ASIC2: variants seen among roughly 807,000 people sequenced by gnomAD.
ASIC2 encodes acid sensing ion channel subunit 2, also known as acid-sensing ion channel 2.
ASIC2 carries 25 observed loss-of-function variants against 57.3 expected under a neutral mutation model. The observed-to-expected ratio is 0.44, with a 90% CI of 0.32 to 0.61. The LOEUF (loss-of-function observed/expected upper bound fraction) is 0.61. Ranked by LOEUF, ASIC2 falls within the 20% of genes least tolerant of loss-of-function variation. The pLI, the probability that ASIC2 is intolerant of heterozygous loss-of-function variation, is 0.06. For synonymous variants in ASIC2, 319 were observed against 307.5 expected (o/e 1.04, Z -0.39); for missense variants, 641 against 738.1 (o/e 0.87, Z 1.52).
chr17:33,644,104 G>A (rs1270213552), intron 1 of ASIC2, among the ~76,000 whole-genome samples: 1 of 152,158 alleles, frequency 6.6e-6, no homozygotes, highest in African/African-American at 2.4e-5. Flanking sequence ...CACCCTCTTG[G>A]TCAGGTTCTC....
At chr17:33,701,274 TG>T (rs1908689990) in intron 1 of ASIC2, among the ~76,000 whole-genome samples, 1 of 152,016 alleles carries the variant, frequency 6.6e-6, no homozygotes, top group Non-Finnish European at 1.5e-5. Flanking sequence ...CTTGCTGGAG[TG>T]GAATGGAATA....
At chr17:33,599,182 G>A (rs948803024) in intron 1 of ASIC2, among the ~76,000 whole-genome samples, 24 of 152,218 alleles carry the variant, frequency 1.6e-4, no homozygotes, top group African/African-American at 5.5e-4. Flanking sequence ...TTTTGAAAAT[G>A]TGAGTGAAAC....
intron 1 of ASIC2, among the ~76,000 whole-genome samples, chr17:33,678,626 T>C (rs1907902046): frequency 6.6e-6 from 1 of 152,094 alleles, no homozygotes; most frequent in African/African-American, 2.4e-5. Flanking sequence ...TGACTCTCCT[T>C]TGCAAAAAGA....
intron 1 of ASIC2, among the ~76,000 whole-genome samples, chr17:33,919,018 G>T (rs1915650419): frequency 6.6e-6 from 1 of 152,168 alleles, no homozygotes; most frequent in Non-Finnish European, 1.5e-5. Flanking sequence ...GAAGGATTGG[G>T]GGGTGTGCCA....
chr17:33,038,339 C>T (rs2091917341), intron 3 of ASIC2, among the ~76,000 whole-genome samples: 1 of 152,274 alleles, frequency 6.6e-6, no homozygotes, highest in South Asian at 2.1e-4. Context: ...GCCTTTTTGG[C>T]TTAAGTTATT....
At chr17:33,566,996 C>G (rs968419288) in intron 1 of ASIC2, among the ~76,000 whole-genome samples, 3 of 152,176 alleles carry the variant, frequency 2.0e-5, no homozygotes, top group African/African-American at 7.2e-5. Context: ...AACCCAGCTC[C>G]TGTAGCTCCA....
chr17:33,971,962 CTCAGCGTTCTTACAG>C (rs2141998791), intron 1 of ASIC2, among the ~76,000 whole-genome samples: 1 of 152,252 alleles, frequency 6.6e-6, no homozygotes, highest in South Asian at 2.1e-4. Context: ...AACCACCAGG[CTCAGCGTTCTTACAG>C]TTACTAAGTG....
intron 1 of ASIC2, among the ~76,000 whole-genome samples, chr17:33,438,867 T>TGAG (rs1911724804): frequency 7.7e-6 from 1 of 129,798 alleles, no homozygotes; most frequent in Non-Finnish European, 1.7e-5. Flanking sequence ...TTTTTTTTTT[T>TGAG]GAGACAGGGT....
intron 1 of ASIC2, among the ~76,000 whole-genome samples, chr17:33,918,782 T>G (rs1915644783): frequency 6.6e-6 from 1 of 152,214 alleles, no homozygotes; most frequent in Admixed American, 6.5e-5. Flanking sequence ...AAACCTGTAT[T>G]AGAAGTAAGG....
intron 1 of ASIC2, among the ~76,000 whole-genome samples, chr17:33,494,548 C>T (rs575312664): frequency 2.6e-5 from 4 of 152,206 alleles, no homozygotes; most frequent in Admixed American, 2.0e-4. Context: ...GGGATGGAGT[C>T]GCAGGAAGTG....
At chr17:33,058,482 A>C (rs1210107047) in intron 3 of ASIC2, among the ~76,000 whole-genome samples, 3 of 151,660 alleles carry the variant, frequency 2.0e-5, no homozygotes, top group Non-Finnish European at 4.4e-5. Flanking sequence ...AAAAAAAAAA[A>C]AAAAAAAAAC....
chr17:34,005,088 T>G (rs1467139701), intron 1 of ASIC2: 1 of 152,096 alleles, frequency 6.6e-6, no homozygotes, highest in Non-Finnish European at 1.5e-5. Context: ...ACAGCCCCCT[T>G]TCACATCTCC....
chr17:33,988,403 C>T (rs576874566), intron 1 of ASIC2, among the ~76,000 whole-genome samples: 1 of 152,298 alleles, frequency 6.6e-6, no homozygotes, highest in Admixed American at 6.5e-5. Context: ...CCTGCACAAG[C>T]TCTCTCTTTT....
At position 34,094,099 on chromosome 17, in the gene ASIC2, TAAAG is replaced by T. The variant is rs571066191; in HGVS notation, c.555+61875_555+61878del. ...AAAGGGCTCTTGAACAAACAAGTAA[TAAAG>T]AAACATTCTGGTGATTGCGGAGAGG... On this transcript the variant is annotated intron_variant, in intron 1 of 9. Coordinates refer to the ASIC2 transcript ENST00000359872. 7.2e-4 allele frequency among the ~76,000 whole-genome samples: 110 copies of T among 152,104 alleles called. No individual in the cohort carries two copies. The Middle Eastern group carries it at 0.024, about 33-fold the overall frequency.
intron 1 of ASIC2, among the ~76,000 whole-genome samples, chr17:33,737,825 T>C (rs1909968583): frequency 6.6e-6 from 1 of 152,178 alleles, no homozygotes; most frequent in Non-Finnish European, 1.5e-5. Context: ...CCAATTAGAC[T>C]TAAAAGTAAC....
At chr17:33,317,870 T>C (rs1906718234) in intron 1 of ASIC2, among the ~76,000 whole-genome samples, 1 of 147,184 alleles carries the variant, frequency 6.8e-6, no homozygotes, top group Non-Finnish European at 1.5e-5. Context: ...GAAATGGATT[T>C]GGACGTGTGG....
At chr17:34,130,117 T>A (rs1244951113) in intron 1 of ASIC2, among the ~76,000 whole-genome samples, 1 of 152,198 alleles carries the variant, frequency 6.6e-6, no homozygotes, top group Non-Finnish European at 1.5e-5. Context: ...TAATATTCAT[T>A]TGCACATCAT....
chr17:33,720,878 T>G lies in ASIC2; in HGVS notation c.555+435100A>C, dbSNP rs575017578. 5.3e-5 allele frequency among the ~76,000 whole-genome samples: 8 copies of G among 152,196 alleles called. No homozygotes were observed. In the South Asian group the frequency reaches 1.7e-3, roughly 32 times the overall value. ...TGCAGAAAGGGAAGGTGTTTTAGAG[T>G]CCATCAAAGTCTGATCCAGTCAGCC... is the stretch of plus-strand genomic sequence containing the variant. On this transcript the variant is annotated intron_variant, in intron 1 of 9. Coordinates refer to the ASIC2 transcript ENST00000359872.
intron 1 of ASIC2, among the ~76,000 whole-genome samples, chr17:34,121,022 G>C (rs563567268): frequency 1.8e-4 from 27 of 152,144 alleles, no homozygotes; most frequent in Non-Finnish European, 2.5e-4. Flanking sequence ...TTACAGGCGT[G>C]AACCACCGTG....
Sources: allele counts gnomAD v4.1 joint callset (sites outside exome capture counted in the v4.1 genomes callset), GRCh38; gene constraint gnomAD v4.1.1; transcripts MANE v1.5; gene names NCBI Gene and HGNC (gene_info 2026-07-23, HGNC 2026-07-21).